Variants in FRMD6 observed in about 807,000 individuals in gnomAD.
FRMD6 encodes the protein FERM domain-containing protein 6.
A neutral mutation model predicts 73.2 loss-of-function variants in FRMD6; 37 were observed. That is an observed-to-expected ratio of 0.51 (90% CI 0.39 to 0.66). The LOEUF (loss-of-function observed/expected upper bound fraction) is 0.66. FRMD6 is among the 30% of genes least tolerant of loss of function. The pLI, the probability that FRMD6 is intolerant of heterozygous loss-of-function variation, is 0.00. For synonymous variants in FRMD6, 273 were observed against 282.2 expected (o/e 0.97, Z 0.33); for missense variants, 714 against 780.5 (o/e 0.91, Z 1.02).
At chr14:51,580,625 G>T (rs1888668670) in intron 2 of FRMD6, among the ~76,000 whole-genome samples, 2 of 152,094 alleles carry the variant, frequency 1.3e-5, no homozygotes, top group Non-Finnish European at 2.9e-5. Context: ...ATTTTTGAGA[G>T]TTAGAATGTG....
At chr14:51,714,779 T>A (rs1270657083) in intron 9 of FRMD6, 1 of 152,242 alleles carries the variant, frequency 6.6e-6, no homozygotes, top group Non-Finnish European at 1.5e-5. Flanking sequence ...CATAAACTTA[T>A]TATTTTGTGT....
intron 2 of FRMD6, among the ~76,000 whole-genome samples, chr14:51,573,165 A>G (rs1323056855): frequency 6.6e-6 from 1 of 152,244 alleles, no homozygotes. Flanking sequence ...CTTCTAGCCA[A>G]GATAGACTAT....
the FRMD6 span, among the ~76,000 whole-genome samples, chr14:51,397,984 G>A: frequency 1.3e-5 from 2 of 151,936 alleles, no homozygotes; most frequent in South Asian, 2.1e-4. Context: ...TCAGATAACG[G>A]GTATTCAACT....
chr14:51,576,953 G>A (rs1380747274), intron 2 of FRMD6, among the ~76,000 whole-genome samples: 1 of 152,150 alleles, frequency 6.6e-6, no homozygotes, highest in African/African-American at 2.4e-5. Flanking sequence ...GAGGGGAGAG[G>A]ATTACACATT....
intron 1 of FRMD6, among the ~76,000 whole-genome samples, chr14:51,659,248 G>T (rs1453275904): frequency 6.6e-6 from 1 of 152,134 alleles, no homozygotes; most frequent in Non-Finnish European, 1.5e-5. Flanking sequence ...TATCCCACAG[G>T]ATTGTTCTTA....
At chr14:51,559,413 G>C (rs1223866507) in intron 1 of FRMD6, among the ~76,000 whole-genome samples, 2 of 151,982 alleles carry the variant, frequency 1.3e-5, no homozygotes, top group African/African-American at 4.8e-5. Context: ...AGATTCTTTG[G>C]TCCTACCCTT....
At chr14:51,524,886 T>C (rs1195977035) in intron 1 of FRMD6, among the ~76,000 whole-genome samples, 1 of 152,154 alleles carries the variant, frequency 6.6e-6, no homozygotes, top group Non-Finnish European at 1.5e-5. Flanking sequence ...CAGAAAAGCC[T>C]TTAGGCCAAA....
Position 51,720,328 on chromosome 14 carries a change from C to T in FRMD6, c.1298C>T (p.Ser433Phe). Residue 433 changes from serine to phenylalanine, a missense_variant, in exon 11 of 14, where the codon TCC (serine) becomes TTC (phenylalanine). Transcript: ENST00000344768. ...TCSSMTSHGS[S>F]HTSGVESGGK... ...AGCTCAATGACCAGTCATGGCAGCT[C>T]CCACACCTCAGGGGTGGAGAGTGGC... The T allele has an allele frequency of 6.2e-7, 1 of 1,613,966 alleles. No individual in the cohort carries two copies. The highest frequency in any genetic ancestry group is 8.5e-7 in the Non-Finnish European group (1 of 1,180,036).
chr14:51,471,593 A>G, the FRMD6 span, among the ~76,000 whole-genome samples: 1 of 152,142 alleles, frequency 6.6e-6, no homozygotes, highest in Non-Finnish European at 1.5e-5. Flanking sequence ...AACATTCGGC[A>G]TTCTTGGAAA....
chr14:51,448,285 T>C, the FRMD6 span, among the ~76,000 whole-genome samples: 41 of 152,382 alleles, frequency 2.7e-4, no homozygotes, highest in African/African-American at 9.4e-4. Context: ...TTAACCATTA[T>C]AGCAAATATT....
chr14:51,411,439 G>A, the FRMD6 span, among the ~76,000 whole-genome samples: 2 of 152,208 alleles, frequency 1.3e-5, no homozygotes, highest in African/African-American at 4.8e-5. Flanking sequence ...GAGGGGAGCT[G>A]AGTCAGTTCA....
At chr14:51,414,411 A>G in the FRMD6 span, among the ~76,000 whole-genome samples, 527 of 152,300 alleles carry the variant, frequency 3.5e-3, 9 homozygotes, top group East Asian at 0.04. Flanking sequence ...TAAATAGGGA[A>G]TCCTTTTCCC....
chr14:51,427,102 G>A, the FRMD6 span, among the ~76,000 whole-genome samples: 2 of 152,118 alleles, frequency 1.3e-5, 1 homozygote, highest in Non-Finnish European at 2.9e-5. Flanking sequence ...AGACCTAGTA[G>A]GTATATTATT....
the FRMD6 span, among the ~76,000 whole-genome samples, chr14:51,460,437 T>C: frequency 1.8e-4 from 28 of 152,248 alleles, no homozygotes; most frequent in Non-Finnish European, 4.0e-4. Flanking sequence ...ATGCATGCTT[T>C]TATTTCCATA....
intron 2 of FRMD6, among the ~76,000 whole-genome samples, chr14:51,585,471 A>G (rs1309710793): frequency 2.0e-5 from 3 of 152,174 alleles, no homozygotes; most frequent in South Asian, 4.1e-4. Context: ...TTAGCAGATT[A>G]TAAATTGTCT....
chr14:51,605,793 C>T (rs902346646), intron 2 of FRMD6, among the ~76,000 whole-genome samples: 1 of 152,122 alleles, frequency 6.6e-6, no homozygotes, highest in African/African-American at 2.4e-5. Context: ...AAAGAGAAGG[C>T]AACCAGAGTC....
chr14:51,397,908 T>G, the FRMD6 span, among the ~76,000 whole-genome samples: 1 of 152,202 alleles, frequency 6.6e-6, no homozygotes, highest in Non-Finnish European at 1.5e-5. Flanking sequence ...TATCTCAAGG[T>G]ATATAGTCAA....
At chr14:51,705,784 C>T (rs550058741) in intron 6 of FRMD6, among the ~76,000 whole-genome samples, 2 of 152,168 alleles carry the variant, frequency 1.3e-5, no homozygotes, top group African/African-American at 4.8e-5. Context: ...TATATCAATA[C>T]AGTAAAGAAG....
At chr14:51,711,492 T>C (rs937691669) in intron 7 of FRMD6, 39 bp from the exon 8 acceptor site, 2 of 1,380,580 alleles carry the variant, frequency 1.4e-6, no homozygotes, top group Admixed American at 3.5e-5. Flanking sequence ...AAAAAATATA[T>C]AAAAACATTT....
Sources: allele counts gnomAD v4.1 joint callset (sites outside exome capture counted in the v4.1 genomes callset), GRCh38; gene constraint gnomAD v4.1.1; transcripts MANE v1.5; gene names NCBI Gene and HGNC (gene_info 2026-07-23, HGNC 2026-07-21).